Variants in CADM2 observed in about 807,000 individuals in gnomAD.
CADM2 encodes the protein cell adhesion molecule 2, also known as immunoglobulin superfamily member 4D.
A neutral mutation model predicts 49.8 loss-of-function variants in CADM2; 12 were observed. That is an observed-to-expected ratio of 0.24 (90% confidence interval 0.15 to 0.39). CADM2 has a LOEUF of 0.39. Ranked by LOEUF, CADM2 falls within the 10% of genes least tolerant of loss-of-function variation. The pLI is 1.00. For synonymous variants in CADM2, 214 were observed against 175.4 expected (o/e 1.22, Z -1.74); for missense variants, 378 against 492.3 (o/e 0.77, Z 2.20).
chr3:85,869,082 T>G (rs920750670), intron 3 of CADM2, among the ~76,000 whole-genome samples: 1 of 152,294 alleles, frequency 6.6e-6, no homozygotes, highest in Admixed American at 6.5e-5. Flanking sequence ...TGATATCCCT[T>G]TTATGATAAA....
At chr3:85,814,289 A>G (rs2073070443) in intron 3 of CADM2, among the ~76,000 whole-genome samples, 2 of 151,636 alleles carry the variant, frequency 1.3e-5, no homozygotes, top group South Asian at 2.1e-4. Flanking sequence ...TAGTTATTTT[A>G]TTTTCTTAGT....
At chr3:85,022,336 G>C (rs2034545451) in intron 1 of CADM2, among the ~76,000 whole-genome samples, 1 of 152,076 alleles carries the variant, frequency 6.6e-6, no homozygotes, top group South Asian at 2.1e-4. Context: ...GTAACTTAAG[G>C]GTTTAGAGAG....
intron 1 of CADM2, among the ~76,000 whole-genome samples, chr3:85,413,670 A>C (rs774174808): frequency 5.3e-5 from 8 of 152,134 alleles, no homozygotes; most frequent in South Asian, 2.1e-4. Flanking sequence ...GTGAGTACTC[A>C]CACACTATCA....
At chr3:85,644,530 CTTTCACTGCCCAGTAGCTGCA>C (rs1396951532) in intron 1 of CADM2, among the ~76,000 whole-genome samples, 6 of 152,122 alleles carry the variant, frequency 3.9e-5, no homozygotes, top group Non-Finnish European at 5.9e-5. Flanking sequence ...TGCCCGGTTA[CTTTCACTGCCCAGTAGCTGCA>C]GGGCAGTGAG....
intron 8 of CADM2, among the ~76,000 whole-genome samples, chr3:86,040,293 G>A (rs1735704924): frequency 6.6e-6 from 1 of 152,084 alleles, no homozygotes; most frequent in African/African-American, 2.4e-5. Flanking sequence ...CTGAGCTAAA[G>A]GAGGAAGTTC....
At chr3:85,569,716 A>G (rs1422001994) in intron 1 of CADM2, among the ~76,000 whole-genome samples, 7 of 80,914 alleles carry the variant, frequency 8.7e-5, no homozygotes, top group African/African-American at 2.4e-4. Context: ...AAAAAAAAAG[A>G]AAAAAAAAAG....
At chr3:85,470,221 A>G (rs1294762090) in intron 1 of CADM2, among the ~76,000 whole-genome samples, 2 of 152,218 alleles carry the variant, frequency 1.3e-5, no homozygotes, top group African/African-American at 2.4e-5. Flanking sequence ...CAGTGTTTAT[A>G]TTCTCATAAT....
intron 1 of CADM2, among the ~76,000 whole-genome samples, chr3:85,357,801 C>T (rs773732462): frequency 6.6e-6 from 1 of 151,994 alleles, no homozygotes; most frequent in Non-Finnish European, 1.5e-5. Context: ...GAGATTGTAT[C>T]ATTTAAAGTT....
chr3:86,056,243 T>C lies in CADM2; in HGVS notation c.971-9362T>C, dbSNP rs528142130. Reference sequence around the variant, plus strand: ...GCTGCACTGCTCTGCTGGTTGAGAGTACTCTCTGGAGTTGTTCAGATTCTT... The same window carrying C: ...GCTGCACTGCTCTGCTGGTTGAGAGCACTCTCTGGAGTTGTTCAGATTCTT... On this transcript the variant is annotated intron_variant, in intron 8 of 9. Coordinates refer to ENST00000383699, the MANE Select transcript of CADM2 (RefSeq NM_001167675.2). Among the ~76,000 whole-genome samples, 7 of 152,262 alleles carry C rather than the reference T, an allele frequency of 4.6e-5. No homozygotes were observed. In the South Asian group the frequency reaches 1.4e-3, roughly 32 times the overall value.
chr3:85,309,174 C>T (rs2044283770), intron 1 of CADM2, among the ~76,000 whole-genome samples: 1 of 152,056 alleles, frequency 6.6e-6, no homozygotes, highest in African/African-American at 2.4e-5. Context: ...TAGATCTGAG[C>T]TAAGTCTTAA....
At chr3:85,855,468 C>G (rs1387723684) in intron 3 of CADM2, among the ~76,000 whole-genome samples, 1 of 151,122 alleles carries the variant, frequency 6.6e-6, no homozygotes, top group East Asian at 1.9e-4. Context: ...TTCAATCTTC[C>G]CTTTTTGACA....
At chr3:85,368,128 T>C (rs2032933735) in intron 1 of CADM2, among the ~76,000 whole-genome samples, 1 of 152,106 alleles carries the variant, frequency 6.6e-6, no homozygotes, top group South Asian at 2.1e-4. Flanking sequence ...ACCAAGGCTA[T>C]TATTAATTGA....
intron 8 of CADM2, among the ~76,000 whole-genome samples, chr3:85,983,182 TG>T (rs1004373075): frequency 1.3e-5 from 2 of 151,708 alleles, no homozygotes; most frequent in Non-Finnish European, 2.9e-5. Flanking sequence ...GAAACTACAC[TG>T]GATTGACAGT....
intron 3 of CADM2, among the ~76,000 whole-genome samples, chr3:85,838,043 ATGTT>A (rs1224166739): frequency 6.6e-6 from 1 of 151,742 alleles, no homozygotes; most frequent in Non-Finnish European, 1.5e-5. Context: ...ATTATCTTCA[ATGTT>A]TGTTTGTTTT....
chr3:85,959,100 CTG>C (rs1173576919), intron 7 of CADM2, among the ~76,000 whole-genome samples: 1 of 149,982 alleles, frequency 6.7e-6, no homozygotes, highest in East Asian at 2.0e-4. Flanking sequence ...ATCTTTATAT[CTG>C]TATATCTATA....
chr3:85,593,707 T>C (rs2063169905), intron 1 of CADM2, among the ~76,000 whole-genome samples: 1 of 152,050 alleles, frequency 6.6e-6, no homozygotes, highest in Non-Finnish European at 1.5e-5. Context: ...TGAGCATTTG[T>C]CAAGCTTTTC....
At chr3:85,828,523 G>A (rs1475016367) in intron 3 of CADM2, among the ~76,000 whole-genome samples, 1 of 151,808 alleles carries the variant, frequency 6.6e-6, no homozygotes, top group African/African-American at 2.4e-5. Flanking sequence ...ATCTACCACA[G>A]TTAGCACATC....
At chr3:85,411,354 G>GT (rs1417797650) in intron 1 of CADM2, among the ~76,000 whole-genome samples, 9 of 152,110 alleles carry the variant, frequency 5.9e-5, no homozygotes, top group African/African-American at 1.9e-4. Context: ...CACCTGCTGA[G>GT]TTAAATGTTA....
chr3:85,516,580 C>A (rs973100356), intron 1 of CADM2, among the ~76,000 whole-genome samples: 5 of 151,990 alleles, frequency 3.3e-5, no homozygotes, highest in Admixed American at 2.0e-4. Flanking sequence ...ATATAGTAGT[C>A]TTTTAAATAA....
Sources: allele counts gnomAD v4.1 joint callset (sites outside exome capture counted in the v4.1 genomes callset), GRCh38; gene constraint gnomAD v4.1.1; transcripts MANE v1.5; gene names NCBI Gene and HGNC (gene_info 2026-07-23, HGNC 2026-07-21).